Variants in ASB4 observed in about 807,000 individuals in gnomAD.
The protein encoded by ASB4 is ankyrin repeat and SOCS box containing 4.
A neutral mutation model predicts 38.6 loss-of-function variants in ASB4; 35 were observed. The ratio of observed to expected loss-of-function variants is 0.91; its 90% CI spans 0.69 to 1.20. ASB4 has a LOEUF of 1.20. Ranked by LOEUF, ASB4 falls within the 50% of genes most tolerant of loss-of-function variation. ASB4 has a pLI of 0.00. For synonymous variants in ASB4, 195 were observed against 201.3 expected (o/e 0.97, Z 0.26); for missense variants, 557 against 527.2 (o/e 1.06, Z -0.55).
Position 95,496,171 on chromosome 7 carries a change from C to CT in ASB4, c.487+115dup, listed in dbSNP as rs1435904337. Reference sequence around the variant, plus strand: ...AGTAAGCATAAAGATGCAATTATGCCTAGTACAGAAGGCCCTAAAAAATAC... The same window carrying CT: ...AGTAAGCATAAAGATGCAATTATGCCTTAGTACAGAAGGCCCTAAAAAATAC... On this transcript the variant is annotated intron_variant, in intron 2 of 4. Coordinates refer to ENST00000325885, the MANE Select transcript of ASB4 (RefSeq NM_016116.3). 3.1e-5 allele frequency: 30 copies of CT among 981,578 alleles called. No homozygotes were observed. In the African/African-American group the frequency reaches 4.5e-4, roughly 15 times the overall value. 60.8% of individuals were successfully genotyped at this position (981,578 alleles called of 1,614,324 possible). A position where few individuals can be genotyped will look rare whatever the true frequency, so the allele number is the denominator to read the frequency against.
chr7:95,486,634 T>G (rs1197924620), intron 1 of ASB4, among the ~76,000 whole-genome samples: 5 of 152,246 alleles, frequency 3.3e-5, no homozygotes, highest in Admixed American at 1.3e-4. Context: ...TTTGGAGGGT[T>G]AATAAATGGA....
chr7:95,522,463 AC>A (rs1159739885), intron 2 of ASB4, among the ~76,000 whole-genome samples: 3 of 152,184 alleles, frequency 2.0e-5, no homozygotes, highest in Non-Finnish European at 4.4e-5. Context: ...TGAATTTCAC[AC>A]TACATCACTG....
At chr7:95,475,674 G>A (rs535578161), upstream of ASB4, among the ~76,000 whole-genome samples, 10 of 152,274 alleles carry the variant, frequency 6.6e-5, no homozygotes, top group Admixed American at 2.6e-4. Context: ...ATGAGCCACC[G>A]TGCCCGGCCT....
At chr7:95,504,670 TA>T (rs34276025) in intron 2 of ASB4, among the ~76,000 whole-genome samples, 9 of 152,166 alleles carry the variant, frequency 5.9e-5, no homozygotes, top group Non-Finnish European at 1.3e-4. Flanking sequence ...GATATTACTA[TA>T]AAAAATTGAA....
chr7:95,528,417 T>C, intron 3 of ASB4, 114 bp downstream of exon 3: 1 of 1,544,618 alleles, frequency 6.5e-7, no homozygotes, highest in Non-Finnish European at 8.7e-7. Context: ...TAACTACCTC[T>C]GATCCTCTTT....
At chr7:95,497,876 T>C (rs1033028899) in intron 2 of ASB4, among the ~76,000 whole-genome samples, 3 of 152,214 alleles carry the variant, frequency 2.0e-5, no homozygotes, top group Admixed American at 6.5e-5. Context: ...GACCTTTTTA[T>C]TGCTGAGTAG....
downstream of ASB4, chr7:95,542,379 A>G (rs1459162986): frequency 6.6e-6 from 1 of 152,204 alleles, no homozygotes; most frequent in African/African-American, 2.4e-5. Flanking sequence ...TCAATGAAAA[A>G]CAATGTATGC....
chr7:95,484,172 C>A (rs1441764571), upstream of ASB4, among the ~76,000 whole-genome samples: 2 of 151,718 alleles, frequency 1.3e-5, no homozygotes, highest in Non-Finnish European at 2.9e-5. Context: ...TTCAAAAAAA[C>A]ACACAAAATT....
Position 95,513,358 on chromosome 7 carries a change from A to G in ASB4, c.488-14455A>G, listed in dbSNP as rs144514403. ...TCAGAGACAGGGAATGGAATGATTT[A>G]TTTTAAGGAATTGGCTCATGCAATG... On this transcript the variant is annotated intron_variant, in intron 2 of 4. Coordinates refer to ENST00000325885, the MANE Select transcript of ASB4 (RefSeq NM_016116.3). Among the ~76,000 whole-genome samples the G allele has an allele frequency of 5.3e-4, 68 of 127,824 alleles. 1 individual carries two copies. Among genetic ancestry groups the G allele is most frequent in the African/African-American group, 2.0e-3 (66 of 32,744 alleles). The allele number at this position is 127,824 out of a possible 152,430, so 83.9% of individuals were successfully genotyped here. A position where few individuals can be genotyped will look rare whatever the true frequency, so the allele number is the denominator to read the frequency against.
chr7:95,523,163 AT>A (rs1182084405), intron 2 of ASB4, among the ~76,000 whole-genome samples: 1 of 152,224 alleles, frequency 6.6e-6, no homozygotes, highest in African/African-American at 2.4e-5. Context: ...TTTTTTTAAC[AT>A]TTATAAAAAC....
At position 95,500,313 on chromosome 7, in the gene ASB4, C is replaced by T. The variant is rs1006346963; in HGVS notation, c.487+4256C>T. ...AGGAGCCGTGGCTTATGCTTGTAATCCCAGAACTTTGGGGAGGCTGAGGCA... is the reference window on the plus strand; with the variant it reads ...AGGAGCCGTGGCTTATGCTTGTAATTCCAGAACTTTGGGGAGGCTGAGGCA... On this transcript the variant is annotated intron_variant, in intron 2 of 4. Coordinates refer to ENST00000325885, the MANE Select transcript of ASB4 (RefSeq NM_016116.3). Among the ~76,000 whole-genome samples, 4 of 152,084 alleles carry T rather than the reference C, an allele frequency of 2.6e-5. No individual in the cohort carries two copies. In the South Asian group the frequency reaches 8.3e-4, roughly 32 times the overall value.
rs1790772472 is a variant in ASB4 at position 95,528,264 on chromosome 7, C to A, written c.939C>A (p.Asn313Lys). ...AGATCTGCTACCAGCTCCTGTTGAA[C>A]CATGGGGCTGCCCGAATATACCCTC... ...QPEICYQLLL[N>K]HGAARIYPPQ... is the part of the protein sequence containing the mutation. Residue 313 changes from asparagine (N) to lysine (K), a missense_variant, in exon 3 of 5, where the codon AAC becomes AAA. By Grantham distance (94) the Asn-to-Lys change is moderately conservative. Coordinates refer to ENST00000325885, the MANE Select transcript of ASB4 (RefSeq NM_016116.3). The A allele has an allele frequency of 6.2e-7, 1 of 1,614,030 alleles. No individual in the cohort carries two copies. The highest frequency in any genetic ancestry group is 1.3e-5 in the African/African-American group (1 of 74,926).
At chr7:95,480,984 C>A (rs1790017555), upstream of ASB4, among the ~76,000 whole-genome samples, 1 of 152,066 alleles carries the variant, frequency 6.6e-6, no homozygotes, top group Admixed American at 6.6e-5. Context: ...ATATAAAAAT[C>A]CATTTGAGCA....
rs980002751 is a variant in ASB4 at position 95,489,550 on chromosome 7, C to G, written c.187+3392C>G. Among the ~76,000 whole-genome samples, 7 of 152,102 alleles carry G rather than the reference C, an allele frequency of 4.6e-5. No individual in the cohort carries two copies. The East Asian group carries it at 1.3e-3, about 29-fold the overall frequency. ...ATCATGTTTTATTAATTTAAAGAAA[C>G]TTTTCTCACATTTTGTAAAGCAAAC... On this transcript the variant is annotated intron_variant, in intron 1 of 4. Coordinates refer to ENST00000325885, the MANE Select transcript of ASB4 (RefSeq NM_016116.3).
upstream of ASB4, among the ~76,000 whole-genome samples, chr7:95,483,536 G>T (rs564646295): frequency 6.6e-6 from 1 of 152,322 alleles, no homozygotes; most frequent in South Asian, 2.1e-4. Flanking sequence ...TTGCCACTGA[G>T]TTAGGTGGGG....
intron 3 of ASB4, among the ~76,000 whole-genome samples, chr7:95,531,715 G>C (rs775198339): frequency 6.6e-6 from 1 of 152,112 alleles, no homozygotes. Context: ...ATGTTGACTT[G>C]TATTCTGAAA....
intron 2 of ASB4, among the ~76,000 whole-genome samples, chr7:95,517,417 C>A (rs1412902267): frequency 1.3e-5 from 2 of 151,954 alleles, no homozygotes; most frequent in Admixed American, 6.6e-5. Context: ...TGTCTGTTCA[C>A]AGATAAAGAG....
chr7:95,527,867 C>A lies in ASB4; in HGVS notation c.542C>A (p.Thr181Lys). 1 of 1,613,514 alleles carries A rather than the reference C, an allele frequency of 6.2e-7. No individual in the cohort carries two copies. Among genetic ancestry groups the A allele is most frequent in the Non-Finnish European group, 8.5e-7 (1 of 1,179,710 alleles). ...NNQDEETPLH[T>K]AAHFGLSELV... is the part of the protein sequence containing the mutation. ...CAAGATGAGGAGACGCCCTTGCACA[C>A]GGCTGCCCACTTCGGCCTTTCGGAG... Residue 181 changes from threonine (T) to lysine (K), a missense_variant, in exon 3 of 5, where the codon ACG (threonine) becomes AAG (lysine). Transcript: ENST00000325885.
At position 95,517,597 on chromosome 7, in the gene ASB4, A is replaced by G. The variant is rs373153333; in HGVS notation, c.488-10216A>G. ...AGGGAGAAGAAAGCACACCCAAGGA[A>G]ACTGAAAAAAAAAAAGAATTTCAAG... On this transcript the variant is annotated intron_variant, in intron 2 of 4. Transcript: ENST00000325885. 9.4e-5 allele frequency among the ~76,000 whole-genome samples: 14 copies of G among 148,418 alleles called. No homozygotes were observed. In the South Asian group the frequency reaches 2.9e-3, roughly 31 times the overall value.
Sources: allele counts gnomAD v4.1 joint callset (sites outside exome capture counted in the v4.1 genomes callset), GRCh38; gene constraint gnomAD v4.1.1; transcripts MANE v1.5; gene names NCBI Gene and HGNC (gene_info 2026-07-23, HGNC 2026-07-21).